TEX14: variants seen among roughly 807,000 people sequenced by gnomAD.
TEX14 encodes the protein testis expressed 14, intercellular bridge forming factor, also known as inactive serine/threonine-protein kinase TEX14.
A neutral mutation model predicts 178.6 loss-of-function variants in TEX14; 168 were observed. That is an observed-to-expected ratio of 0.94 (90% CI 0.83 to 1.07). The LOEUF (loss-of-function observed/expected upper bound fraction) is 1.07, where lower values mean the gene tolerates loss of function less well. Among genes scored for constraint, TEX14 ranks in the 50% least tolerant of loss-of-function variants. The probability of loss-of-function intolerance (pLI) is 0.00; values close to 1 mark genes in which losing one functional copy is unlikely to be tolerated. For missense variants in TEX14, 1,730 were observed against 1,753.6 expected (o/e 0.99, Z 0.24); for synonymous variants, 626 against 634.1 (o/e 0.99, Z 0.19).
At chr17:58,617,513 C>T (rs369066102) in intron 6 of TEX14, 25 bp downstream of exon 6, 21 of 1,585,254 alleles carry the variant, frequency 1.3e-5, no homozygotes, top group Admixed American at 3.4e-5. Context: ...CCTGCAAACA[C>T]TGGCTGTCAG....
At chr17:58,624,222 G>A (rs2046078746) in intron 3 of TEX14, among the ~76,000 whole-genome samples, 1 of 152,058 alleles carries the variant, frequency 6.6e-6, no homozygotes, top group Admixed American at 6.6e-5. Context: ...AAACCCGGGA[G>A]GCAGAGCTTG....
At chr17:58,563,729 TAGAG>T (rs1159340499) in intron 28 of TEX14, among the ~76,000 whole-genome samples, 45 of 137,726 alleles carry the variant, frequency 3.3e-4, no homozygotes, top group East Asian at 8.6e-4. Flanking sequence ...TGTATGTATA[TAGAG>T]AGAGATCATA....
chr17:58,689,702 T>A (rs2047659402), intron 1 of TEX14, among the ~76,000 whole-genome samples: 1 of 152,194 alleles, frequency 6.6e-6, no homozygotes, highest in African/African-American at 2.4e-5. Flanking sequence ...GCACCTTCCA[T>A]ATTTATCCCA....
At chr17:58,601,998 T>A in intron 12 of TEX14, 42 bp from the exon 13 acceptor site, 1 of 1,601,860 alleles carries the variant, frequency 6.2e-7, no homozygotes. Context: ...GTCTCAGTCA[T>A]CCTGAATGTC....
Position 58,573,260 on chromosome 17 carries a change from G to C in TEX14, c.3432C>G (p.Asp1144Glu), listed in dbSNP as rs1175717381. 1 of 1,613,978 alleles carries C rather than the reference G, an allele frequency of 6.2e-7. No individual in the cohort carries two copies. Among genetic ancestry groups the C allele is most frequent in the Non-Finnish European group, 8.5e-7 (1 of 1,179,852 alleles). Residue 1144 changes from aspartate (D) to glutamate (E), a missense_variant, in exon 23 of 32, where the codon GAC becomes GAG. Transcript: ENST00000349033. ...QDLSSISYEP[D>E]SSFKEASCKT... ...TGCATGAAGCTTCCTTAAAAGAGCT[G>C]TCTGGTTCATAGGAGATACTAGACA...
chr17:58,585,702 C>T (rs769287889), intron 18 of TEX14, 99 bp downstream of exon 18: 658 of 1,281,804 alleles, frequency 5.1e-4, no homozygotes, highest in Non-Finnish European at 6.6e-4. Flanking sequence ...GTGATCCGCT[C>T]GCCTCACCTC....
At chr17:58,689,990 C>T (rs1327607326) in intron 1 of TEX14, among the ~76,000 whole-genome samples, 1 of 147,690 alleles carries the variant, frequency 6.8e-6, no homozygotes, top group Non-Finnish European at 1.5e-5. Context: ...GCTGGGACTA[C>T]AGGCGCCCAC....
intron 15 of TEX14, among the ~76,000 whole-genome samples, chr17:58,589,048 C>A (rs897058825): frequency 6.6e-6 from 1 of 151,516 alleles, no homozygotes; most frequent in Non-Finnish European, 1.5e-5. Context: ...CCAGGGCAGG[C>A]GGAGGCCAGG....
Position 58,621,698 on chromosome 17 carries a change from G to A in TEX14, c.506C>T (p.Pro169Leu), listed in dbSNP as rs201818573. Residue 169 changes from proline (P) to leucine (L), a missense_variant, in exon 5 of 32, where the codon CCG becomes CTG. Around this residue, in one of 2 missense-constraint regions of TEX14, gnomAD observed 789 missense variants for 681.2 expected, o/e 1.16. Transcript: ENST00000349033. ...SYDLLKKIDS[P>L]QRLVYSPSWC... ...GGACGGGCTGTAGACAAGCCGCTGC[G>A]GGGAGTCTATCTTCTTCAGGAGGTC... The A allele has an allele frequency of 3.3e-5, 53 of 1,614,160 alleles. No homozygotes were observed. The highest frequency in any genetic ancestry group is 3.3e-4 in the Middle Eastern group (2 of 6,062).
chr17:58,588,503 T>C (rs2045038466), intron 15 of TEX14, among the ~76,000 whole-genome samples: 1 of 152,112 alleles, frequency 6.6e-6, no homozygotes, highest in African/African-American at 2.4e-5. Flanking sequence ...CAAGCTGGTC[T>C]TGAACTCCTT....
At chr17:58,573,422 A>G in intron 22 of TEX14, 114 bp from the exon 23 acceptor site, 1 of 915,852 alleles carries the variant, frequency 1.1e-6, no homozygotes, top group Non-Finnish European at 1.7e-6. Flanking sequence ...ATGTGGCAAT[A>G]GGCCAGAATT....
intron 1 of TEX14, among the ~76,000 whole-genome samples, chr17:58,676,414 C>A (rs2047396097): frequency 6.7e-6 from 1 of 148,992 alleles, no homozygotes; most frequent in African/African-American, 2.5e-5. Flanking sequence ...CACAAAAAAA[C>A]CCAGGCGTGG....
chr17:58,586,270 A>G (rs1407040340), intron 17 of TEX14, among the ~76,000 whole-genome samples, 188 bp from the exon 18 acceptor site: 2 of 152,148 alleles, frequency 1.3e-5, no homozygotes, highest in African/African-American at 4.8e-5. Flanking sequence ...TGACAGAGAG[A>G]GAGAAGGGAA....
intron 22 of TEX14, among the ~76,000 whole-genome samples, chr17:58,573,943 C>T (rs1347256532): frequency 6.6e-6 from 1 of 152,168 alleles, no homozygotes; most frequent in Non-Finnish European, 1.5e-5. Flanking sequence ...ATTTAATCTA[C>T]CTTAAGCGTA....
At chr17:58,659,199 G>A (rs1482938710) in intron 1 of TEX14, 2 of 249,420 alleles carry the variant, frequency 8.0e-6, no homozygotes, top group Admixed American at 6.5e-5. Flanking sequence ...ATGCAGCCGA[G>A]TTTTCTCATT....
Position 58,618,113 on chromosome 17 carries a change from G to A in TEX14, c.555-494C>T, listed in dbSNP as rs79684489. Among the ~76,000 whole-genome samples the A allele has an allele frequency of 2.9e-3, 447 of 152,260 alleles. 2 individuals are homozygous for A. Among genetic ancestry groups the A allele is most frequent in the African/African-American group, 0.01 (432 of 41,552 alleles). On this transcript the variant is annotated intron_variant, in intron 5 of 31. Transcript: ENST00000349033. Reference sequence around the variant, plus strand: ...TACAGCCCTAACTAACATCTTAACTGCAACTTCATTAGAAACTCTGAGCCA... The same window carrying A: ...TACAGCCCTAACTAACATCTTAACTACAACTTCATTAGAAACTCTGAGCCA...
intron 10 of TEX14, among the ~76,000 whole-genome samples, chr17:58,607,112 A>G (rs943222724): frequency 2.0e-5 from 3 of 152,124 alleles, no homozygotes; most frequent in Admixed American, 1.3e-4. Context: ...TGACAATGAC[A>G]TTCAACAAAC....
chr17:58,625,764 A>T (rs1335295690), intron 3 of TEX14, among the ~76,000 whole-genome samples: 1 of 152,046 alleles, frequency 6.6e-6, no homozygotes, highest in African/African-American at 2.4e-5. Flanking sequence ...ATTTTGAGAC[A>T]GAGTCTCTGT....
rs2045442730 is a variant in TEX14 at position 58,601,505 on chromosome 17, G to A, written c.1678+301C>T. Among the ~76,000 whole-genome samples the A allele has an allele frequency of 4.1e-5, 6 of 146,826 alleles. No homozygotes were observed. The South Asian group carries it at 1.3e-3, about 32-fold the overall frequency. ...CCATTGCACTCCAGCCTGGGCAACAGAGCAAGATTCCATCTCAAAAAAAAA... is the reference window on the plus strand; with the variant it reads ...CCATTGCACTCCAGCCTGGGCAACAAAGCAAGATTCCATCTCAAAAAAAAA... On this transcript the variant is annotated intron_variant, in intron 13 of 31. Transcript: ENST00000349033.
Sources: gnomAD v4.1 joint callset for allele counts (sites outside exome capture counted in the v4.1 genomes callset) on GRCh38, gnomAD v4.1.1 for gene constraint, gnomAD v4.1.1 regional missense constraint, MANE v1.5 for transcripts, NCBI Gene and HGNC (gene_info 2026-07-23, HGNC 2026-07-21) for gene names.